The following RELA variants were observed in gnomAD, a reference collection of about 807,000 sequenced individuals.
RELA encodes transcription factor p65.
In RELA, 14 loss-of-function variants were observed where a neutral mutation model predicts 56.7. That is an observed-to-expected ratio of 0.25 (90% CI 0.16 to 0.39). The LOEUF is 0.39. RELA is among the 10% of genes least tolerant of loss of function. The pLI is 1.00. For synonymous variants in RELA, 315 were observed against 289.7 expected (o/e 1.09, Z -0.89); for missense variants, 559 against 736.4 (o/e 0.76, Z 2.79).
intron 5 of RELA, 60 bp downstream of exon 5, chr11:65,660,064 G>A: frequency 2.0e-6 from 3 of 1,521,598 alleles, no homozygotes; most frequent in Non-Finnish European, 2.7e-6. Context: ...GGAGATGCAG[G>A]AAAGGCGGGC....
Position 65,659,769 on chromosome 11 carries a change from G to A in RELA, c.456C>T (p.Tyr152=), listed in dbSNP as rs138226409. 2,502 of 1,613,522 alleles carry A rather than the reference G, an allele frequency of 1.6e-3. 5 individuals carry two copies. The highest frequency in any genetic ancestry group is 2.0e-3 in the Non-Finnish European group (2,382 of 1,179,862). Reference sequence around the variant, plus strand: ...AGCAGAGCCGCACAGCATTCAGGTCGTAGTCCCCACGCTGCTCTTCTATAG... The same window carrying A: ...AGCAGAGCCGCACAGCATTCAGGTCATAGTCCCCACGCTGCTCTTCTATAG... ...QVPIEEQRGD[Y]DLNAVRLCFQ... is the part of the protein sequence containing the mutation. The change falls in exon 6 of 11, where the codon TAC becomes TAT. Residue 152 remains tyrosine (Y), a synonymous_variant. Coordinates refer to ENST00000406246, the MANE Select transcript of RELA (RefSeq NM_021975.4).
Position 65,658,198 on chromosome 11 carries a change from C to CCAGACATGCAGTCTTGGCCTCTCT in RELA, c.877+88_877+89insAGAGAGGCCAAGACTGCATGTCTG. 9.9e-7 allele frequency: 1 copy of CCAGACATGCAGTCTTGGCCTCTCT among 1,005,300 alleles called. No individual in the cohort carries two copies. Among genetic ancestry groups the CCAGACATGCAGTCTTGGCCTCTCT allele is most frequent in the African/African-American group, 1.6e-5 (1 of 61,236 alleles). 62.3% of individuals were successfully genotyped at this position (1,005,300 alleles called of 1,614,324 possible). On this transcript the variant is annotated intron_variant, in intron 8 of 10. Transcript: ENST00000406246. The surrounding 1 kb of genome is among the most constrained non-coding windows in gnomAD (Gnocchi z 4.5). ...CCAAGCTCTGACTCCAGCTTCTGGC[C>CCAGACATGCAGTCTTGGCCTCTCT]CTCAACCACAGCCCCAGACATGCAG...
intron 4 of RELA, chr11:65,661,372 C>T (rs1293786371): frequency 1.1e-5 from 3 of 273,682 alleles, no homozygotes; most frequent in East Asian, 1.3e-4. Flanking sequence ...AATGTCAACT[C>T]CAGGGGAGAG....
Position 65,662,827 on chromosome 11 carries a change from G to C in RELA, c.6C>G (p.Asp2Glu). 1 of 1,199,630 alleles carries C rather than the reference G, an allele frequency of 8.3e-7. No homozygotes were observed. The highest frequency in any genetic ancestry group is 1.0e-6 in the Non-Finnish European group (1 of 967,096). 74.3% of individuals were successfully genotyped at this position (1,199,630 alleles called of 1,614,324 possible). A position where few individuals can be genotyped will look rare whatever the true frequency, so the allele number is the denominator to read the frequency against. M[D>E]ELFPLIFPAE... Reference sequence around the variant, plus strand: ...CGCGGGGTCAGAGGGCGACCTCACCGTCCATGGCCGGGGTCCCGGGGGCGG... The same window carrying C: ...CGCGGGGTCAGAGGGCGACCTCACCCTCCATGGCCGGGGTCCCGGGGGCGG... The change falls in exon 1 of 11, where the codon GAC (aspartate) becomes GAG (glutamate). Residue 2 changes from aspartate (D) to glutamate (E), a missense_variant and splice_region_variant. Asp to Glu is a conservative substitution (Grantham distance 45, BLOSUM62 2). This residue lies in a region of RELA where 21 missense variants were observed against 17.4 expected (regional missense o/e 1.21). Transcript: ENST00000406246.
At chr11:65,659,538 AAGAGT>A in intron 6 of RELA, 123 bp downstream of exon 6, 1 of 1,213,976 alleles carries the variant, frequency 8.2e-7, no homozygotes, top group African/African-American at 1.5e-5. Context: ...CTGGGCAGAG[AAGAGT>A]AGACAAATAC....
rs1856350611 is a variant in RELA at position 65,654,088 on chromosome 11, C to A, written c.*290G>T. On this transcript the variant is annotated 3_prime_UTR_variant, in exon 11 of 11. Transcript: ENST00000406246. ...GAAGCTGGAGGATGGGGATGGGGGACCCCAGAGTTCCCTACAGAGAAGGGA... is the reference window on the plus strand; with the variant it reads ...GAAGCTGGAGGATGGGGATGGGGGAACCCAGAGTTCCCTACAGAGAAGGGA... 1 of 457,126 alleles carries A rather than the reference C, an allele frequency of 2.2e-6. No homozygotes were observed. The highest frequency in any genetic ancestry group is 2.0e-5 in the African/African-American group (1 of 50,204). The allele number at this position is 457,126 out of a possible 1,614,324, so 28.3% of individuals were successfully genotyped here.
chr11:65,660,088 A>T, intron 5 of RELA, 36 bp downstream of exon 5: 2 of 1,589,316 alleles, frequency 1.3e-6, no homozygotes, highest in Middle Eastern at 1.7e-4. Context: ...GGAGGGTGAC[A>T]GAGGGTGCGG....
In RELA at chr11:65,658,336, G is replaced by C. The variant is rs372044858; in HGVS notation, c.828C>G (p.Ser276=). Residue 276 remains serine (S), a synonymous_variant, in exon 8 of 11, where the codon TCC becomes TCG. Transcript: ENST00000406246. This position sits in a 1 kb window ranked among gnomAD's most constrained non-coding sequence, Gnocchi z 4.5. ...CCATGGGCTCACTGAGCTCCCGGTCGGAAGGCCGCCGCAGCTGCATGGAGA... is the reference window on the plus strand; with the variant it reads ...CCATGGGCTCACTGAGCTCCCGGTCCGAAGGCCGCCGCAGCTGCATGGAGA... ...VRVSMQLRRP[S]DRELSEPMEF... 9 of 1,612,214 alleles carry C rather than the reference G, an allele frequency of 5.6e-6. No homozygotes were observed. The highest frequency in any genetic ancestry group is 6.8e-6 in the Non-Finnish European group (8 of 1,179,384).
rs774014347 is a variant in RELA, at chr11:65,661,705, G to T, written c.317C>A (p.Pro106Gln). The part of the protein sequence containing the change: ...RDGFYEAELC[P>Q]DRCIHSFQNL... ...ACCTCACCTGTGGATGCAGCGGTCC[G>T]GGCAGAGCTCAGCCTCATAGAAGCC... Residue 106 changes from proline to glutamine, a missense_variant, in exon 4 of 11, where the codon CCG becomes CAG. Pro to Gln is a moderately conservative substitution (Grantham distance 76). Around this residue, in one of 4 missense-constraint regions of RELA, gnomAD observed 149 missense variants for 256.0 expected, o/e 0.58. Transcript: ENST00000406246. 1.9e-6 allele frequency: 3 copies of T among 1,604,734 alleles called. No homozygotes were observed. The highest frequency in any genetic ancestry group is 2.7e-5 in the African/African-American group (2 of 74,746).
chr11:65,659,060 C>T (rs1195087608), intron 6 of RELA, among the ~76,000 whole-genome samples: 4 of 152,158 alleles, frequency 2.6e-5, no homozygotes, highest in African/African-American at 2.4e-5. Context: ...CACACAAAAC[C>T]CAAACCTCTC....
At position 65,653,904 on chromosome 11, in the gene RELA, G is replaced by GTGTT. The variant is rs1856345757; in HGVS notation, c.*470_*473dup. On this transcript the variant is annotated 3_prime_UTR_variant, in exon 11 of 11. Coordinates refer to ENST00000406246, the MANE Select transcript of RELA (RefSeq NM_021975.4). ...AGGAAGGCCAGCCCCTCAAACGCTG[G>GTGTT]TGTTAGGCACAGGGACAATGCCAGT... is the stretch of plus-strand genomic sequence containing the variant. 2 of 224,926 alleles carry GTGTT rather than the reference G, an allele frequency of 8.9e-6. No individual in the cohort carries two copies. Among genetic ancestry groups the GTGTT allele is most frequent in the Admixed American group, 1.1e-4 (2 of 18,420 alleles). 13.9% of individuals were successfully genotyped at this position (224,926 alleles called of 1,614,324 possible). A position where few individuals can be genotyped will look rare whatever the true frequency, so the allele number is the denominator to read the frequency against.
At position 65,653,858 on chromosome 11, in the gene RELA, C is replaced by T; in HGVS notation, c.*520G>A. On this transcript the variant is annotated 3_prime_UTR_variant, in exon 11 of 11. Coordinates refer to ENST00000406246, the MANE Select transcript of RELA (RefSeq NM_021975.4). ...AGCCATGGTTGAGCAAGGAAAGAGC[C>T]GGCAGAGACCTCTGTAGGGCAGGAA... 1 of 182,838 alleles carries T rather than the reference C, an allele frequency of 5.5e-6. No homozygotes were observed. The highest frequency in any genetic ancestry group is 1.2e-5 in the Non-Finnish European group (1 of 86,342). The allele number at this position is 182,838 out of a possible 1,614,324, so 11.3% of individuals were successfully genotyped here. A position where few individuals can be genotyped will look rare whatever the true frequency, so the allele number is the denominator to read the frequency against.
At chr11:65,662,614 A>T (rs1452948503) in intron 1 of RELA, 1 of 374,204 alleles carries the variant, frequency 2.7e-6, no homozygotes, top group Non-Finnish European at 4.7e-6. Context: ...CCCAGGGAGG[A>T]TGCTGAGTCA....
intron 8 of RELA, among the ~76,000 whole-genome samples, chr11:65,657,478 T>G (rs1362375583): frequency 1.3e-5 from 2 of 152,230 alleles, no homozygotes; most frequent in Non-Finnish European, 2.9e-5. Flanking sequence ...CCTCTCTGCT[T>G]AGAGGCCTTC....
upstream of RELA, among the ~76,000 whole-genome samples, chr11:65,663,482 G>C (rs1278712035): frequency 6.6e-6 from 1 of 152,178 alleles, no homozygotes; most frequent in Non-Finnish European, 1.5e-5. Context: ...AGTGCATCAA[G>C]AGCTTTGCGG....
chr11:65,661,262 A>G (rs1856558646), intron 4 of RELA: 1 of 153,498 alleles, frequency 6.5e-6, no homozygotes, highest in Non-Finnish European at 1.4e-5. Context: ...CCTAGGCTCA[A>G]GAGATCTTCC....
chr11:65,656,113 T>C, intron 8 of RELA, 178 bp from the exon 9 acceptor site: 1 of 684,688 alleles, frequency 1.5e-6, no homozygotes, highest in Non-Finnish European at 2.7e-6. Context: ...CCCACAGCTT[T>C]TGGAGGCCTC....
intron 10 of RELA, 120 bp from the exon 11 acceptor site, chr11:65,655,120 C>T (rs7119750): frequency 0.15 from 121,182 of 784,606 alleles, 12,756 homozygotes; most frequent in East Asian, 0.42. Flanking sequence ...GAGTCACTGC[C>T]AACACCCTAT....
intron 5 of RELA, 51 bp downstream of exon 5, chr11:65,660,073 G>A (rs1252127581): frequency 6.5e-7 from 1 of 1,546,562 alleles, no homozygotes; most frequent in South Asian, 1.1e-5. Flanking sequence ...GGAAAGGCGG[G>A]CTGGGGAGGG....
Sources: allele counts gnomAD v4.1 joint callset (sites outside exome capture counted in the v4.1 genomes callset), GRCh38; gene constraint gnomAD v4.1.1; regional missense constraint gnomAD v4.1.1; non-coding constraint Gnocchi (gnomAD v3.1); transcripts MANE v1.5; gene names NCBI Gene and HGNC (gene_info 2026-07-23, HGNC 2026-07-21).